Variants in BABAM2 observed in about 807,000 individuals in gnomAD.
The protein encoded by BABAM2 is BRISC and BRCA1-A complex member 2.
A neutral mutation model predicts 54.7 loss-of-function variants in BABAM2; 31 were observed. The ratio of observed to expected loss-of-function variants is 0.57; its 90% confidence interval spans 0.43 to 0.77. The LOEUF (loss-of-function observed/expected upper bound fraction) is 0.77. Ranked by LOEUF, BABAM2 falls within the 30% of genes least tolerant of loss-of-function variation. The probability of loss-of-function intolerance (pLI) is 0.00; values close to 1 mark genes in which losing one functional copy is unlikely to be tolerated. For synonymous variants in BABAM2, 167 were observed against 162.9 expected, an observed-to-expected ratio of 1.03 and a Z score of -0.19; for missense variants, 364 against 455.8, an observed-to-expected ratio of 0.80 and a Z score of 1.83.
intron 6 of BABAM2, among the ~76,000 whole-genome samples, chr2:28,106,135 A>G (rs1370408339): frequency 6.6e-6 from 1 of 152,164 alleles, no homozygotes; most frequent in African/African-American, 2.4e-5. Flanking sequence ...TCTCTTACAT[A>G]TTAATAATTG....
chr2:28,201,101 G>A (rs950525537), intron 7 of BABAM2, among the ~76,000 whole-genome samples: 6 of 152,094 alleles, frequency 3.9e-5, no homozygotes, highest in African/African-American at 1.4e-4. Flanking sequence ...GAGAGCAAGG[G>A]GAGGAAATTT....
chr2:28,121,699 T>C (rs889083863), intron 6 of BABAM2, among the ~76,000 whole-genome samples: 1 of 152,196 alleles, frequency 6.6e-6, no homozygotes, highest in Non-Finnish European at 1.5e-5. Flanking sequence ...AATTTTTCTC[T>C]ATAACATTTG....
intron 5 of BABAM2, among the ~76,000 whole-genome samples, chr2:28,040,294 C>CTTTTTTTTTTTTTTGTTTTTTT (rs1676971597): frequency 1.7e-5 from 1 of 59,470 alleles, no homozygotes; most frequent in Non-Finnish European, 3.0e-5. Flanking sequence ...AAACTGAATT[C>CTTTTTTTTTTTTTTGTTTTTTT]TTTTTTTTTT....
In BABAM2 at chr2:28,030,005, G is replaced by C. The variant is rs114520768; in HGVS notation, c.495+4585G>C. ...TCTTGGTGAACATGTGTTGTCTTTA[G>C]TGCTGACAGGCTCATCTGAAAACAG... On this transcript the variant is annotated intron_variant, in intron 5 of 11. Coordinates refer to ENST00000379624, the MANE Select transcript of BABAM2 (RefSeq NM_199191.3). Among the ~76,000 whole-genome samples the C allele has an allele frequency of 4.8e-3, 733 of 152,212 alleles. 4 individuals are homozygous for C. The highest frequency in any genetic ancestry group is 0.017 in the African/African-American group (703 of 41,530).
chr2:28,291,130 G>A (rs1230699681), intron 10 of BABAM2, among the ~76,000 whole-genome samples: 1 of 152,146 alleles, frequency 6.6e-6, no homozygotes, highest in Non-Finnish European at 1.5e-5. Context: ...GATTCAAAGA[G>A]GAGAAATATT....
At chr2:28,069,744 C>A (rs1469503417) in intron 6 of BABAM2, among the ~76,000 whole-genome samples, 1 of 152,198 alleles carries the variant, frequency 6.6e-6, no homozygotes, top group Non-Finnish European at 1.5e-5. Context: ...GAGGCTGTAA[C>A]TACATACTTC....
chr2:28,270,981 A>C (rs1009732065), intron 10 of BABAM2, among the ~76,000 whole-genome samples: 2 of 152,192 alleles, frequency 1.3e-5, no homozygotes, highest in African/African-American at 4.8e-5. Context: ...TTCAGGAGGC[A>C]GGTCTACATG....
chr2:27,897,319 C>T (rs544660906), intron 2 of BABAM2: 5 of 152,272 alleles, frequency 3.3e-5, no homozygotes, highest in South Asian at 4.1e-4. Context: ...ACTGAGTTAA[C>T]GTTCTTTAGT....
intron 3 of BABAM2, among the ~76,000 whole-genome samples, chr2:27,984,504 G>A (rs1051786529): frequency 6.6e-5 from 10 of 152,056 alleles, no homozygotes; most frequent in African/African-American, 2.4e-4. Flanking sequence ...AGGGTGAGAG[G>A]AGGTGGTTGT....
chr2:27,955,178 G>T (rs1669998578), intron 3 of BABAM2, among the ~76,000 whole-genome samples: 1 of 152,210 alleles, frequency 6.6e-6, no homozygotes, highest in Non-Finnish European at 1.5e-5. Context: ...GTAGTTGCCA[G>T]CCCAAGGGCT....
intron 6 of BABAM2, among the ~76,000 whole-genome samples, chr2:28,055,707 A>G (rs1678350640): frequency 6.6e-6 from 1 of 152,220 alleles, no homozygotes; most frequent in South Asian, 2.1e-4. Context: ...TAAAGAAATT[A>G]AAAATAGAAC....
At chr2:27,973,365 A>T (rs899083071) in intron 3 of BABAM2, among the ~76,000 whole-genome samples, 4 of 151,902 alleles carry the variant, frequency 2.6e-5, no homozygotes, top group African/African-American at 9.7e-5. Flanking sequence ...AAGGACAGAA[A>T]ATTCTCCAAT....
upstream of BABAM2, chr2:27,890,064 A>G: frequency 3.6e-6 from 2 of 554,218 alleles, no homozygotes; most frequent in Non-Finnish European, 6.4e-6. This position sits in a 1 kb window ranked among gnomAD's most constrained non-coding sequence, Gnocchi z 4.8. Context: ...CCCTCCCCTG[A>G]GATTTACCTT....
intron 6 of BABAM2, among the ~76,000 whole-genome samples, chr2:28,087,888 G>C (rs557773599): frequency 6.6e-6 from 1 of 152,140 alleles, no homozygotes; most frequent in Non-Finnish European, 1.5e-5. Flanking sequence ...GACGTCAAGT[G>C]ATCTGCCCAT....
At chr2:28,095,475 A>G (rs1275441153) in intron 6 of BABAM2, among the ~76,000 whole-genome samples, 1 of 152,214 alleles carries the variant, frequency 6.6e-6, no homozygotes, top group East Asian at 1.9e-4. Context: ...TTGGTGCTTG[A>G]TAAATATTTG....
chr2:27,976,532 C>T (rs1313228659), intron 3 of BABAM2, among the ~76,000 whole-genome samples: 1 of 152,022 alleles, frequency 6.6e-6, no homozygotes, highest in Non-Finnish European at 1.5e-5. Context: ...AAGAGCAGGT[C>T]AGAGGTTTCC....
chr2:28,280,941 T>C (rs1686304738), intron 10 of BABAM2, among the ~76,000 whole-genome samples: 1 of 152,120 alleles, frequency 6.6e-6, no homozygotes, highest in Non-Finnish European at 1.5e-5. Context: ...GAGAAGGGGT[T>C]AGCTGTTGAG....
At chr2:28,058,079 G>A (rs1392382549) in intron 6 of BABAM2, among the ~76,000 whole-genome samples, 1 of 151,980 alleles carries the variant, frequency 6.6e-6, no homozygotes, top group East Asian at 1.9e-4. Context: ...GGGAGGCGGA[G>A]CTTGCAGTAA....
intron 10 of BABAM2, among the ~76,000 whole-genome samples, chr2:28,294,579 T>A (rs1000017628): frequency 6.6e-6 from 1 of 152,160 alleles, no homozygotes; most frequent in Non-Finnish European, 1.5e-5. Flanking sequence ...ACAGAAACAT[T>A]TGGGGATAAG....
Sources: gnomAD v4.1 joint callset for allele counts (sites outside exome capture counted in the v4.1 genomes callset) on GRCh38, gnomAD v4.1.1 for gene constraint, Gnocchi (gnomAD v3.1) non-coding constraint, MANE v1.5 for transcripts, NCBI Gene and HGNC (gene_info 2026-07-23, HGNC 2026-07-21) for gene names.